Variants in TRABD2B observed in about 807,000 individuals in gnomAD.
TRABD2B encodes metalloprotease TIKI2.
TRABD2B carries 14 observed loss-of-function variants against 40.1 expected under a neutral mutation model. That is an observed-to-expected ratio of 0.35 (90% CI 0.23 to 0.55). TRABD2B has a LOEUF of 0.55. Ranked by LOEUF, TRABD2B falls within the 20% of genes least tolerant of loss-of-function variation. The probability of loss-of-function intolerance (pLI) is 0.90; values close to 1 mark genes in which losing one functional copy is unlikely to be tolerated. For synonymous variants in TRABD2B, 263 were observed against 277.0 expected, an observed-to-expected ratio of 0.95 and a Z score of 0.50; for missense variants, 541 against 648.6, an observed-to-expected ratio of 0.83 and a Z score of 1.80.
rs1644388427 is a variant in TRABD2B at position 47,887,641 on chromosome 1, T to C, written c.667-86022A>G. On this transcript the variant is annotated intron_variant, in intron 2 of 6. Coordinates refer to ENST00000606738, the MANE Select transcript of TRABD2B (RefSeq NM_001194986.2). ...GAACAGTCTTAACCTGAGCAAAGCA[T>C]GTGGATTGGGCCAAGGGCACCAAGT... Among the ~76,000 whole-genome samples, 4 of 152,086 alleles carry C rather than the reference T, an allele frequency of 2.6e-5. No individual in the cohort carries two copies. The South Asian group carries it at 8.3e-4, about 32-fold the overall frequency.
chr1:47,883,250 A>T (rs1246033371), intron 2 of TRABD2B, among the ~76,000 whole-genome samples: 1 of 152,124 alleles, frequency 6.6e-6, no homozygotes, highest in Non-Finnish European at 1.5e-5. Context: ...TTGGGACTTA[A>T]TTCTAAGTCA....
chr1:47,840,952 G>A (rs1241065154), intron 2 of TRABD2B, among the ~76,000 whole-genome samples: 1 of 152,170 alleles, frequency 6.6e-6, no homozygotes, highest in African/African-American at 2.4e-5. Context: ...ATGTGACAGG[G>A]AAGGAAAGAG....
intron 2 of TRABD2B, among the ~76,000 whole-genome samples, chr1:47,811,308 A>G (rs1383178667): frequency 6.6e-6 from 1 of 151,654 alleles, no homozygotes; most frequent in East Asian, 1.9e-4. Flanking sequence ...CCCAAGAAGC[A>G]TGGACTTGGC....
At chr1:47,840,026 T>C (rs1034135552) in intron 2 of TRABD2B, among the ~76,000 whole-genome samples, 1 of 152,142 alleles carries the variant, frequency 6.6e-6, no homozygotes, top group African/African-American at 2.4e-5. Flanking sequence ...GGAGAGTGTT[T>C]ACCTCCTCGG....
At chr1:47,873,520 G>A (rs978462398) in intron 2 of TRABD2B, among the ~76,000 whole-genome samples, 1 of 152,180 alleles carries the variant, frequency 6.6e-6, no homozygotes, top group Non-Finnish European at 1.5e-5. Context: ...CTGGGGCGAG[G>A]GCGTGTGCTA....
chr1:47,975,861 T>C (rs887055839), intron 2 of TRABD2B, among the ~76,000 whole-genome samples: 3 of 152,112 alleles, frequency 2.0e-5, no homozygotes, highest in Non-Finnish European at 4.4e-5. Context: ...AGGCTGGACC[T>C]GAAATAGGAA....
chr1:47,861,698 A>G (rs955462474), intron 2 of TRABD2B, among the ~76,000 whole-genome samples: 1 of 152,192 alleles, frequency 6.6e-6, no homozygotes, highest in African/African-American at 2.4e-5. Context: ...TAGGAAAGAG[A>G]TTATACCAAG....
intron 2 of TRABD2B, among the ~76,000 whole-genome samples, chr1:47,918,614 A>T (rs1349224815): frequency 3.9e-5 from 6 of 152,150 alleles, no homozygotes; most frequent in Admixed American, 3.9e-4. Context: ...AACTCAGGCA[A>T]GCAGGGGTAG....
At chr1:47,788,290 C>T (rs887560290) in intron 4 of TRABD2B, among the ~76,000 whole-genome samples, 1 of 152,148 alleles carries the variant, frequency 6.6e-6, no homozygotes, top group Non-Finnish European at 1.5e-5. Context: ...TTATATCTCT[C>T]CCTTCTCTCA....
intron 2 of TRABD2B, among the ~76,000 whole-genome samples, chr1:47,902,329 A>T (rs1570249813): frequency 6.6e-6 from 1 of 152,134 alleles, no homozygotes; most frequent in East Asian, 1.9e-4. Context: ...TGGTGGGATG[A>T]AAGAGAAGCC....
chr1:47,912,145 T>C (rs2124708549), intron 2 of TRABD2B, among the ~76,000 whole-genome samples: 1 of 152,348 alleles, frequency 6.6e-6, no homozygotes, highest in African/African-American at 2.4e-5. Context: ...CTTCCCTGAA[T>C]GACTGAGTGG....
At position 47,986,323 on chromosome 1, in the gene TRABD2B, C is replaced by T. The variant is rs1041764338; in HGVS notation, c.666+7711G>A. Among the ~76,000 whole-genome samples, 42 of 152,144 alleles carry T rather than the reference C, an allele frequency of 2.8e-4. 1 individual carries two copies. The highest frequency in any genetic ancestry group is 9.9e-4 in the African/African-American group (41 of 41,432). On this transcript the variant is annotated intron_variant, in intron 2 of 6. Coordinates refer to ENST00000606738, the MANE Select transcript of TRABD2B (RefSeq NM_001194986.2). ...AAGAAGTTTCTGAGAATTAGAGAGG[C>T]CAAGACATAGTCCCTTTTTAGCATC... is the stretch of plus-strand genomic sequence containing the variant.
intron 2 of TRABD2B, among the ~76,000 whole-genome samples, chr1:47,972,565 G>A (rs1449165576): frequency 6.6e-6 from 1 of 151,394 alleles, no homozygotes; most frequent in Non-Finnish European, 1.5e-5. Flanking sequence ...CTGGAAAACG[G>A]CAGTCTTGCA....
In TRABD2B at chr1:47,786,006, T is replaced by C. The variant is rs1321227259; in HGVS notation, c.989-7462A>G. ...GGCTCTACTGTCTCCTGTGTGGGAG[T>C]CCTGTTCTTAGAGGACTTCGAGCTC... is the stretch of plus-strand genomic sequence containing the variant. On this transcript the variant is annotated intron_variant, in intron 4 of 6. Coordinates refer to ENST00000606738, the MANE Select transcript of TRABD2B (RefSeq NM_001194986.2). 2.6e-5 allele frequency among the ~76,000 whole-genome samples: 4 copies of C among 151,988 alleles called. No individual in the cohort carries two copies. In the South Asian group the frequency reaches 6.2e-4, roughly 24 times the overall value.
intron 2 of TRABD2B, among the ~76,000 whole-genome samples, chr1:47,832,058 C>T (rs998954789): frequency 3.9e-5 from 6 of 152,148 alleles, no homozygotes; most frequent in Admixed American, 3.9e-4. Flanking sequence ...TCGGGCTGGG[C>T]GCAGTGGCTC....
intron 2 of TRABD2B, among the ~76,000 whole-genome samples, chr1:47,905,159 C>T (rs927271202): frequency 1.3e-5 from 2 of 152,202 alleles, no homozygotes; most frequent in African/African-American, 4.8e-5. Context: ...GGGGTGCTTG[C>T]GAAAAGCAAA....
At chr1:47,908,429 G>A (rs1366686996) in intron 2 of TRABD2B, among the ~76,000 whole-genome samples, 5 of 152,214 alleles carry the variant, frequency 3.3e-5, no homozygotes. Flanking sequence ...GGCCAATCAA[G>A]AAGTCCTCTG....
At chr1:47,846,984 G>T (rs142105226) in intron 2 of TRABD2B, among the ~76,000 whole-genome samples, 1 of 152,226 alleles carries the variant, frequency 6.6e-6, no homozygotes, top group East Asian at 1.9e-4. Context: ...CAGATCAAAG[G>T]ATGGAGAGGG....
At chr1:47,951,798 G>A (rs1336836257) in intron 2 of TRABD2B, among the ~76,000 whole-genome samples, 1 of 152,210 alleles carries the variant, frequency 6.6e-6, no homozygotes, top group Non-Finnish European at 1.5e-5. Context: ...TGAGGTGACA[G>A]CAGTGGCCCA....
Sources: gnomAD v4.1 joint callset for allele counts (sites outside exome capture counted in the v4.1 genomes callset) on GRCh38, gnomAD v4.1.1 for gene constraint, MANE v1.5 for transcripts, NCBI Gene and HGNC (gene_info 2026-07-23, HGNC 2026-07-21) for gene names.